The following KIFC3 variants were observed in gnomAD, a reference collection of about 807,000 sequenced individuals.
KIFC3 encodes kinesin family member C3.
A neutral mutation model predicts 101.8 loss-of-function variants in KIFC3; 60 were observed. The ratio of observed to expected loss-of-function variants is 0.59; its 90% CI spans 0.48 to 0.73. The LOEUF is 0.73. Ranked by LOEUF, KIFC3 falls within the 30% of genes least tolerant of loss-of-function variation. The pLI is 0.00. For synonymous variants in KIFC3, 476 were observed against 482.7 expected (o/e 0.99, Z 0.18); for missense variants, 966 against 1,137.1 (o/e 0.85, Z 2.16).
intron 3 of KIFC3, chr16:57,774,925 G>A (rs1445356234): frequency 5.5e-6 from 8 of 1,467,144 alleles, no homozygotes; most frequent in African/African-American, 2.9e-5. Flanking sequence ...CTCCTTCCAC[G>A]CCCCCTCCCT....
At chr16:57,762,740 T>G (rs1220591358) in intron 12 of KIFC3, among the ~76,000 whole-genome samples, 1 of 152,094 alleles carries the variant, frequency 6.6e-6, no homozygotes, top group Non-Finnish European at 1.5e-5. Context: ...CCGGCCTTTC[T>G]AGAAGGAAAC....
At chr16:57,775,346 C>A in intron 3 of KIFC3, 3 of 1,132,644 alleles carry the variant, frequency 2.6e-6, no homozygotes, top group Non-Finnish European at 1.1e-6. Flanking sequence ...TGAGACGCAG[C>A]AGACTGGCAC....
At chr16:57,848,022 G>T (rs533649036) in intron 1 of KIFC3, among the ~76,000 whole-genome samples, 154 of 152,322 alleles carry the variant, frequency 1.0e-3, no homozygotes, top group Admixed American at 1.6e-3. Context: ...CTGACCTCAA[G>T]TGATCCACCT....
intron 2 of KIFC3, chr16:57,797,681 T>G: frequency 8.9e-7 from 1 of 1,128,732 alleles, no homozygotes; most frequent in Non-Finnish European, 1.1e-6. Context: ...CGGCGCTTGG[T>G]GCCCAGGCAG....
intron 18 of KIFC3, 97 bp from the exon 19 acceptor site, chr16:57,759,250 G>A: frequency 1.4e-6 from 2 of 1,407,710 alleles, no homozygotes; most frequent in Non-Finnish European, 2.0e-6. Flanking sequence ...TCAAGGATGG[G>A]CCAGGCCCTC....
At chr16:57,816,918 TAAC>T (rs1289489208) in intron 1 of KIFC3, 8 of 361,604 alleles carry the variant, frequency 2.2e-5, no homozygotes, top group African/African-American at 1.5e-4. Context: ...CTAAGAATGA[TAAC>T]AATAATAATC....
upstream of KIFC3, chr16:57,803,012 T>C (rs1430864452): frequency 1.0e-5 from 16 of 1,535,914 alleles, no homozygotes; most frequent in Non-Finnish European, 1.4e-5. Flanking sequence ...CTGGCGCACA[T>C]GCACTCACAC....
intron 1 of KIFC3, among the ~76,000 whole-genome samples, chr16:57,854,470 A>G (rs1307654393): frequency 6.6e-6 from 1 of 152,096 alleles, no homozygotes; most frequent in Non-Finnish European, 1.5e-5. Flanking sequence ...TCTACTAAAA[A>G]TACAAAAATT....
At position 57,771,360 on chromosome 16, in the gene KIFC3, C is replaced by T. The variant is rs144408542; in HGVS notation, c.603G>A (p.Leu201=). ...CGGTCTTCTGCTGCACCTCTAGGTT[C>T]AGCTCTGACAGCATGCCTTTGCTTT... The part of the protein sequence containing the change: ...MAESKGMLSE[L]NLEVQQKTDR... Residue 201 remains leucine (L), a synonymous_variant, in exon 6 of 20, where the codon CTG becomes CTA. Coordinates refer to ENST00000445690, the MANE Select transcript of KIFC3 (RefSeq NM_001130100.2). 2.5e-6 allele frequency: 4 copies of T among 1,613,640 alleles called. No individual in the cohort carries two copies. The highest frequency in any genetic ancestry group is 3.4e-6 in the Non-Finnish European group (4 of 1,180,056).
chr16:57,823,761 T>TTGTGCGTGTG (rs1555630263), intron 1 of KIFC3, among the ~76,000 whole-genome samples: 1 of 136,620 alleles, frequency 7.3e-6, no homozygotes, highest in African/African-American at 2.7e-5. Context: ...CCCGGCTACT[T>TTGTGCGTGTG]TGTGTGTGTG....
rs757645069 is a variant in KIFC3 at position 57,851,226 on chromosome 16, G to A, written c.108+11503C>T. On this transcript the variant is annotated intron_variant, in intron 1 of 2. Transcript: ENST00000563028. ...ACGGGGGTCTCATTATGTTGCCCAG[G>A]CTGGTCTCAAACTCCTGGTCTCAAG... is the stretch of plus-strand genomic sequence containing the variant. Among the ~76,000 whole-genome samples the A allele has an allele frequency of 1.6e-4, 24 of 152,134 alleles. No individual in the cohort carries two copies. In the East Asian group the frequency reaches 3.9e-3, roughly 25 times the overall value.
chr16:57,782,212 A>G, intron 3 of KIFC3: 1 of 884,920 alleles, frequency 1.1e-6, no homozygotes, highest in Non-Finnish European at 1.4e-6. Flanking sequence ...CCACCCCCAA[A>G]CTGCAATGCG....
rs988457812 is a variant in KIFC3, at chr16:57,769,713, T to C, written c.1100A>G (p.Asn367Ser). 1 of 1,613,044 alleles carries C rather than the reference T, an allele frequency of 6.2e-7. No individual in the cohort carries two copies. The highest frequency in any genetic ancestry group is 8.5e-7 in the Non-Finnish European group (1 of 1,179,946). Residue 367 changes from asparagine (N) to serine (S), a missense_variant, in exon 9 of 20, where the codon AAC becomes AGC. Around this residue, in one of 2 missense-constraint regions of KIFC3, gnomAD observed 689 missense variants for 884.6 expected, o/e 0.78. Transcript: ENST00000445690. This position sits in a 1 kb window ranked among gnomAD's most constrained non-coding sequence, Gnocchi z 4.3. The part of the protein sequence containing the change: ...VHENLAGVRT[N>S]LLTLQPALRT... Reference sequence around the variant, plus strand: ...CAGTGCCGGCTGCAAGGTCAGCAAGTTGGTCCGGACGCCTATGGGGACACT... The same window carrying C: ...CAGTGCCGGCTGCAAGGTCAGCAAGCTGGTCCGGACGCCTATGGGGACACT...
chr16:57,788,582 C>T lies in KIFC3; in HGVS notation c.315+6417G>A, dbSNP rs781921760. Reference sequence around the variant, plus strand: ...CGGGCAGGCCTGCTTTACCTGTATTCTCTACATTCATGGTGCCACCAGCTT... The same window carrying T: ...CGGGCAGGCCTGCTTTACCTGTATTTTCTACATTCATGGTGCCACCAGCTT... On this transcript the variant is annotated intron_variant, in intron 3 of 19. Transcript: ENST00000445690. The T allele has an allele frequency of 3.0e-5, 39 of 1,288,628 alleles. 1 individual carries two copies. Among genetic ancestry groups the T allele is most frequent in the Admixed American group, 2.1e-4 (9 of 43,338 alleles). The allele number at this position is 1,288,628 out of a possible 1,614,324, so 79.8% of individuals were successfully genotyped here.
intron 1 of KIFC3, among the ~76,000 whole-genome samples, chr16:57,822,607 G>T (rs2055374109): frequency 6.6e-6 from 1 of 152,108 alleles, no homozygotes; most frequent in Admixed American, 6.5e-5. Flanking sequence ...TGAGGCAGGA[G>T]AATGGCTTGA....
At chr16:57,780,818 G>C (rs1555614156) in intron 3 of KIFC3, among the ~76,000 whole-genome samples, 1 of 151,630 alleles carries the variant, frequency 6.6e-6, no homozygotes, top group East Asian at 2.0e-4. Context: ...GGACTTACAG[G>C]TGTGCACCAC....
chr16:57,858,906 C>T (rs1176060617), intron 1 of KIFC3, among the ~76,000 whole-genome samples: 2 of 152,102 alleles, frequency 1.3e-5, no homozygotes, highest in Non-Finnish European at 1.5e-5. Flanking sequence ...GCTGAGATCA[C>T]ACCACTGCTT....
chr16:57,772,927 G>A (rs1172694398), intron 3 of KIFC3, among the ~76,000 whole-genome samples: 2 of 152,146 alleles, frequency 1.3e-5, no homozygotes, highest in African/African-American at 2.4e-5. Context: ...AGGAAGCCAC[G>A]GTTACCTAGC....
chr16:57,824,538 C>T (rs1391318898), intron 1 of KIFC3, among the ~76,000 whole-genome samples: 1 of 152,088 alleles, frequency 6.6e-6, no homozygotes. Context: ...CAAAAATTAG[C>T]CAGGCGTGGT....
Sources: allele counts gnomAD v4.1 joint callset (sites outside exome capture counted in the v4.1 genomes callset), GRCh38; gene constraint gnomAD v4.1.1; regional missense constraint gnomAD v4.1.1; non-coding constraint Gnocchi (gnomAD v3.1); transcripts MANE v1.5; gene names NCBI Gene and HGNC (gene_info 2026-07-23, HGNC 2026-07-21).